Variants in ARHGEF33 observed in about 807,000 individuals in gnomAD.
ARHGEF33 encodes Rho guanine nucleotide exchange factor 33, also known as DH and coiled-coil domain-containing protein ENSP00000381780.
Under a neutral mutation model 101.9 loss-of-function variants are expected in ARHGEF33, and 72 were observed. That is an observed-to-expected ratio of 0.71 (90% CI 0.58 to 0.86). The LOEUF is 0.86. Ranked by LOEUF, ARHGEF33 falls within the 40% of genes least tolerant of loss-of-function variation. The probability of loss-of-function intolerance (pLI) is 0.00; values close to 1 mark genes in which losing one functional copy is unlikely to be tolerated. For synonymous variants in ARHGEF33, 499 were observed against 442.5 expected (o/e 1.13, Z -1.60); for missense variants, 1,169 against 1,111.3 (o/e 1.05, Z -0.74).
At chr2:38,915,246 T>C (rs1197897156) in intron 2 of ARHGEF33, among the ~76,000 whole-genome samples, 1 of 152,184 alleles carries the variant, frequency 6.6e-6, no homozygotes, top group Admixed American at 6.5e-5. Flanking sequence ...TTAATAATTA[T>C]GTAAAACATT....
At chr2:38,965,881 G>A in intron 16 of ARHGEF33, 125 bp from the exon 17 acceptor site, 2 of 1,143,878 alleles carry the variant, frequency 1.7e-6, no homozygotes, top group South Asian at 3.3e-5. Context: ...GTTGGGATTG[G>A]GTGCCCACTG....
At chr2:38,926,485 C>T (rs1026416769) in intron 4 of ARHGEF33, among the ~76,000 whole-genome samples, 4 of 152,138 alleles carry the variant, frequency 2.6e-5, no homozygotes, top group Non-Finnish European at 5.9e-5. Flanking sequence ...GTGTGTTCTC[C>T]TGATGGCTTC....
At position 38,896,035 on chromosome 2, in the gene ARHGEF33, G is replaced by C. The variant is rs539225981; in HGVS notation, c.-86+186G>C. 1.2e-4 allele frequency among the ~76,000 whole-genome samples: 18 copies of C among 152,288 alleles called. No homozygotes were observed. The South Asian group carries it at 3.7e-3, about 32-fold the overall frequency. On this transcript the variant is annotated intron_variant, in intron 2 of 17. Transcript: ENST00000409978. ...AGATTACTTAATTAGCTAGCAGTAA[G>C]GGCAAATAGCCACCTTCTAAACCAG... is the stretch of plus-strand genomic sequence containing the variant.
At position 38,954,398 on chromosome 2, in the gene ARHGEF33, T is replaced by C; in HGVS notation, c.1163T>C (p.Ile388Thr). Residue 388 changes from isoleucine (I) to threonine (T), a missense_variant, in exon 13 of 18, where the codon ATC (isoleucine) becomes ACC (threonine). By Grantham distance (89) the Ile-to-Thr change is moderately conservative (BLOSUM62 -1). Coordinates refer to ENST00000409978, the MANE Select transcript of ARHGEF33 (RefSeq NM_001145451.5). ...KEGDEEIKSD[I>T]YTLFFHIVQR... ...GGTGATGAAGAGATTAAATCTGACA[T>C]CTACACGTTGTTTTTTCACATAGTC... 8 of 1,549,986 alleles carry C rather than the reference T, an allele frequency of 5.2e-6. No homozygotes were observed. The highest frequency in any genetic ancestry group is 7.0e-6 in the Non-Finnish European group (8 of 1,145,416).
At position 38,960,925 on chromosome 2, in the gene ARHGEF33, A is replaced by G. The variant is rs559242479; in HGVS notation, c.2343+277A>G. Among the ~76,000 whole-genome samples the G allele has an allele frequency of 2.0e-4, 31 of 152,316 alleles. 1 individual carries two copies. In the South Asian group the frequency reaches 6.4e-3, roughly 32 times the overall value. Reference sequence around the variant, plus strand: ...CCTCATATGGTACACGAGGGATGGCAGAGGTAGCAGAGAAGCCCGCCACTC... The same window carrying G: ...CCTCATATGGTACACGAGGGATGGCGGAGGTAGCAGAGAAGCCCGCCACTC... On this transcript the variant is annotated intron_variant, in intron 16 of 17. Coordinates refer to ENST00000409978, the MANE Select transcript of ARHGEF33 (RefSeq NM_001145451.5).
At chr2:38,953,636 G>C (rs993713340) in intron 12 of ARHGEF33, among the ~76,000 whole-genome samples, 1 of 152,174 alleles carries the variant, frequency 6.6e-6, no homozygotes, top group African/African-American at 2.4e-5. Context: ...GGTGGCTCTA[G>C]TCATGTTGCT....
chr2:38,932,811 A>G (rs1442903539), intron 7 of ARHGEF33, among the ~76,000 whole-genome samples: 1 of 152,250 alleles, frequency 6.6e-6, no homozygotes, highest in Non-Finnish European at 1.5e-5. Flanking sequence ...AGATGATTTC[A>G]GTGCCTACAT....
intron 3 of ARHGEF33, 30 bp downstream of exon 3, chr2:38,919,502 A>G: frequency 6.4e-7 from 1 of 1,551,250 alleles, no homozygotes; most frequent in Non-Finnish European, 8.7e-7. Context: ...TTGCTTTAGG[A>G]CTTAGGATTC....
chr2:38,942,419 C>G (rs1462111435), intron 9 of ARHGEF33, among the ~76,000 whole-genome samples: 1 of 150,580 alleles, frequency 6.6e-6, no homozygotes, highest in Non-Finnish European at 1.5e-5. Context: ...CTCGACCTCC[C>G]AAAGTGCTGG....
intron 2 of ARHGEF33, among the ~76,000 whole-genome samples, chr2:38,913,589 A>G (rs1666563342): frequency 6.6e-6 from 1 of 152,122 alleles, no homozygotes; most frequent in Non-Finnish European, 1.5e-5. Context: ...AACCTGGCCA[A>G]CATGGCAAAA....
In ARHGEF33 at chr2:38,929,034, AAGT is replaced by A; in HGVS notation, c.204_206del (p.Lys68_Val69delinsAsn). 6.4e-7 allele frequency: 1 copy of A among 1,551,072 alleles called. No individual in the cohort carries two copies. Among genetic ancestry groups the A allele is most frequent in the Non-Finnish European group, 8.7e-7 (1 of 1,146,592 alleles). On this transcript the variant is annotated inframe_deletion, in exon 5 of 18. Transcript: ENST00000409978. ...AGCTGCAGATGTTCCATGGAAGAAA[AAGT>A]TACTGAGATGAAGAATTCATTAAAC...
At chr2:38,895,136 C>T (rs902204962) in intron 1 of ARHGEF33, among the ~76,000 whole-genome samples, 1 of 152,156 alleles carries the variant, frequency 6.6e-6, no homozygotes, top group Non-Finnish European at 1.5e-5. Context: ...TCTTCACATC[C>T]ACACTGTGAG....
At chr2:38,943,668 C>T (rs1386480691) in intron 9 of ARHGEF33, among the ~76,000 whole-genome samples, 1 of 152,210 alleles carries the variant, frequency 6.6e-6, no homozygotes, top group Non-Finnish European at 1.5e-5. Flanking sequence ...CTTGAGCTTT[C>T]CAGATGCTTC....
chr2:38,909,223 G>T (rs1363393873), intron 2 of ARHGEF33, among the ~76,000 whole-genome samples: 2 of 152,112 alleles, frequency 1.3e-5, no homozygotes, highest in Non-Finnish European at 2.9e-5. Context: ...TCACGTAAGG[G>T]GCTGACTTGA....
chr2:38,912,115 A>G (rs1230030615), intron 2 of ARHGEF33, among the ~76,000 whole-genome samples: 1 of 152,206 alleles, frequency 6.6e-6, no homozygotes, highest in Non-Finnish European at 1.5e-5. Context: ...GGCTCACTTA[A>G]CATTATTTTC....
chr2:38,965,897 C>G (rs2124429822), intron 16 of ARHGEF33, 109 bp from the exon 17 acceptor site: 2 of 1,366,034 alleles, frequency 1.5e-6, no homozygotes, highest in East Asian at 5.0e-5. Flanking sequence ...CACTGGTAGT[C>G]TTTTGGCATG....
intron 5 of ARHGEF33, 51 bp from the exon 6 acceptor site, chr2:38,929,658 A>G (rs932178351): frequency 8.8e-6 from 13 of 1,483,258 alleles, no homozygotes; most frequent in South Asian, 5.0e-5. Context: ...ATTATGTTAT[A>G]TACTTTTACC....
At chr2:38,907,622 T>A (rs1450613811) in intron 2 of ARHGEF33, among the ~76,000 whole-genome samples, 1 of 152,184 alleles carries the variant, frequency 6.6e-6, no homozygotes, top group African/African-American at 2.4e-5. Context: ...TTTTCCATGT[T>A]AATGTACCCC....
intron 8 of ARHGEF33, among the ~76,000 whole-genome samples, chr2:38,936,095 A>C (rs180908344): frequency 6.6e-6 from 1 of 152,358 alleles, no homozygotes; most frequent in East Asian, 1.9e-4. Context: ...ATGACTAATA[A>C]ATTCACATTT....
Sources: allele counts gnomAD v4.1 joint callset (sites outside exome capture counted in the v4.1 genomes callset), GRCh38; gene constraint gnomAD v4.1.1; transcripts MANE v1.5; gene names NCBI Gene and HGNC (gene_info 2026-07-23, HGNC 2026-07-21).